Variants in MYH11 observed in about 807,000 individuals in gnomAD.
The protein encoded by MYH11 is myosin-11.
MYH11 carries 80 observed loss-of-function variants against 246.6 expected under a neutral mutation model. The observed-to-expected ratio is 0.32, with a 90% confidence interval of 0.27 to 0.39. MYH11 has a LOEUF of 0.39. MYH11 is among the 10% of genes least tolerant of loss of function. The pLI, the probability that MYH11 is intolerant of heterozygous loss-of-function variation, is 1.00. For missense variants in MYH11, 2,158 were observed against 2,546.8 expected (o/e 0.85, Z 3.29); for synonymous variants, 1,071 against 1,015.5 (o/e 1.05, Z -1.04).
At chr16:15,720,743 A>C (rs2040424422) in intron 33 of MYH11, 96 bp downstream of exon 33, 1 of 1,296,466 alleles carries the variant, frequency 7.7e-7, no homozygotes, top group African/African-American at 1.6e-5. Flanking sequence ...AAAAAAAAAT[A>C]AAGAAAACGA....
At chr16:15,838,856 CAAA>C (rs10573476) in intron 1 of MYH11, among the ~76,000 whole-genome samples, 13 of 88,854 alleles carry the variant, frequency 1.5e-4, no homozygotes, top group Admixed American at 3.9e-4. Flanking sequence ...GACTCCATCT[CAAA>C]AAAAAAAAAA....
intron 3 of MYH11, among the ~76,000 whole-genome samples, chr16:15,811,499 C>T (rs1455058058): frequency 6.6e-6 from 1 of 152,092 alleles, no homozygotes; most frequent in African/African-American, 2.4e-5. Context: ...GGGAGGCTGC[C>T]ACCCACCCTG....
intron 1 of MYH11, among the ~76,000 whole-genome samples, chr16:15,856,148 G>A (rs761541500): frequency 2.5e-4 from 38 of 151,972 alleles, no homozygotes; most frequent in South Asian, 1.0e-3. Context: ...CCTGCAGATC[G>A]TGGAAGCAAA....
At chr16:15,756,550 C>T (rs561982993) in intron 13 of MYH11, 36 bp from the exon 14 acceptor site, 1 of 1,611,714 alleles carries the variant, frequency 6.2e-7, no homozygotes, top group East Asian at 2.2e-5. Flanking sequence ...TCAGAGAGAA[C>T]ACCCAACCTC....
rs527810136 is a variant in MYH11 at position 15,821,945 on chromosome 16, T to A, written c.502+1310A>T. 9.8e-3 allele frequency among the ~76,000 whole-genome samples: 1,477 copies of A among 151,350 alleles called. 18 individuals carry two copies. The highest frequency in any genetic ancestry group is 0.027 in the South Asian group (129 of 4,806). ...GTCTCAAAAAAAAAAAAAAGACAGATACCTGACTCCAGGAGCCATCACTTT... is the reference window on the plus strand; with the variant it reads ...GTCTCAAAAAAAAAAAAAAGACAGAAACCTGACTCCAGGAGCCATCACTTT... On this transcript the variant is annotated intron_variant, in intron 3 of 40. Coordinates refer to ENST00000300036, the MANE Select transcript of MYH11 (RefSeq NM_002474.3).
At chr16:15,786,872 G>T in intron 4 of MYH11, 140 bp from the exon 5 acceptor site, 2 of 824,280 alleles carry the variant, frequency 2.4e-6, no homozygotes, top group Non-Finnish European at 4.1e-6. Context: ...GAAGTAACTT[G>T]CCCAAGGCCA....
rs1230593563 is a variant in MYH11, at chr16:15,771,651, G to A, written c.951C>T (p.Ile317=). 6.2e-7 allele frequency: 1 copy of A among 1,614,032 alleles called. No homozygotes were observed. Among genetic ancestry groups the A allele is most frequent in the Admixed American group, 1.7e-5 (1 of 59,996 alleles). ...ACATCTCATCATCCTGGGCTGCTGG[G>A]ATGGGCACAAAGCCATTGGAGAGGA... ...YTFLSNGFVP[I]PAAQDDEMFQ... The change falls in exon 9 of 41, where the codon ATC becomes ATT. Residue 317 remains isoleucine, a synonymous_variant. Coordinates refer to ENST00000300036, the MANE Select transcript of MYH11 (RefSeq NM_002474.3).
At position 15,786,728 on chromosome 16, in the gene MYH11, C is replaced by T; in HGVS notation, c.535G>A (p.Glu179Lys). The change falls in exon 5 of 41, where the codon GAG (glutamate) becomes AAG (lysine). Residue 179 changes from glutamate (E) to lysine (K), a missense_variant. Glu to Lys is a moderately conservative substitution (Grantham distance 56). Coordinates refer to ENST00000300036, the MANE Select transcript of MYH11 (RefSeq NM_002474.3). ...TTTTCGGTTTTCCCGGCTCCAGACT[C>T]GCCTCTGAAAGACACGGGAACATCA... is the stretch of plus-strand genomic sequence containing the variant. ...REDQSILCTG[E>K]SGAGKTENTK... 6.2e-7 allele frequency: 1 copy of T among 1,613,866 alleles called. No individual in the cohort carries two copies.
At position 15,750,465 on chromosome 16, in the gene MYH11, G is replaced by T; in HGVS notation, c.1865-134C>A. 1 of 871,438 alleles carries T rather than the reference G, an allele frequency of 1.1e-6. No individual in the cohort carries two copies. The highest frequency in any genetic ancestry group is 1.8e-6 in the Non-Finnish European group (1 of 555,278). The allele number at this position is 871,438 out of a possible 1,614,324, so 54.0% of individuals were successfully genotyped here. On this transcript the variant is annotated intron_variant, in intron 15 of 40. Transcript: ENST00000300036. This position sits in a 1 kb window ranked among gnomAD's most constrained non-coding sequence, Gnocchi z 4.3. Reference sequence around the variant, plus strand: ...TCCATCACCAACGCCTCCTTCGGCAGTCAGGGTTTCCAAGTATTGTCTATT... The same window carrying T: ...TCCATCACCAACGCCTCCTTCGGCATTCAGGGTTTCCAAGTATTGTCTATT...
rs1244221356 is a variant in MYH11 at position 15,719,317 on chromosome 16, G to A, written c.5083-9C>T. The A allele has an allele frequency of 6.2e-7, 1 of 1,609,360 alleles. No homozygotes were observed. The highest frequency in any genetic ancestry group is 2.2e-5 in the East Asian group (1 of 44,892). ...TCAGCGGCGGCGAGGTCCTAGGTGG[G>A]AGGGAGGAAGGCTGTTGTCTGCCAG... On this transcript the variant is annotated splice_polypyrimidine_tract_variant and intron_variant, in intron 35 of 40. Transcript: ENST00000300036.
intron 9 of MYH11, 70 bp from the exon 10 acceptor site, chr16:15,763,961 T>C: frequency 7.9e-7 from 1 of 1,258,082 alleles, no homozygotes; most frequent in Non-Finnish European, 1.2e-6. Context: ...TTTTGGAGCC[T>C]AAAGCCACTG....
intron 3 of MYH11, among the ~76,000 whole-genome samples, chr16:15,815,077 C>G (rs901165031): frequency 6.6e-6 from 1 of 152,140 alleles, no homozygotes; most frequent in Non-Finnish European, 1.5e-5. Context: ...AAAGACGAAA[C>G]AGAAGTGTCC....
At chr16:15,712,809 TAGTGTCACCCATG>T (rs1250518104) in intron 40 of MYH11, 1 of 150,194 alleles carries the variant, frequency 6.7e-6, no homozygotes, top group Non-Finnish European at 1.5e-5. Context: ...CTCTGGCCAT[TAGTGTCACCCATG>T]GGAGGCTTCT....
intron 23 of MYH11, 107 bp from the exon 24 acceptor site, chr16:15,738,795 T>A: frequency 7.5e-7 from 1 of 1,327,114 alleles, no homozygotes; most frequent in South Asian, 1.3e-5. Flanking sequence ...AAAACCCACA[T>A]TATAACAAAA....
intron 26 of MYH11, among the ~76,000 whole-genome samples, chr16:15,733,835 ACCTGGCCCATGCAC>A (rs2151238109): frequency 1.3e-5 from 2 of 152,284 alleles, no homozygotes; most frequent in East Asian, 3.9e-4. Context: ...GAGCCACCAT[ACCTGGCCCATGCAC>A]TGGGCTCTTC....
In MYH11 at chr16:15,717,186, C is replaced by A. The variant is rs1326004706; in HGVS notation, c.5458G>T (p.Glu1820Ter). Residue 1820 changes from glutamate to a stop codon, truncating the protein, a stop_gained, in exon 38 of 41, where the codon GAG becomes TAG. Coordinates refer to ENST00000300036, the MANE Select transcript of MYH11 (RefSeq NM_002474.3). LOFTEE classifies it high-confidence loss of function. The stretch of plus-strand genomic sequence containing the variant: ...TCCTCCAGCTGTGCAATCTTGGCCT[C>A]CAGCGCCGCGATGGTGGACTTGAAC... ...SKFKSTIAAL[E>*]AKIAQLEEQV... 1.2e-6 allele frequency: 2 copies of A among 1,614,096 alleles called. No individual in the cohort carries two copies. The highest frequency in any genetic ancestry group is 1.7e-6 in the Non-Finnish European group (2 of 1,180,042).
intron 2 of MYH11, among the ~76,000 whole-genome samples, chr16:15,831,250 G>C (rs926741436): frequency 6.6e-5 from 10 of 152,080 alleles, no homozygotes; most frequent in African/African-American, 1.9e-4. Flanking sequence ...TCTAAGAAGG[G>C]GAACTGGAAG....
chr16:15,800,989 T>C (rs2042871986), intron 3 of MYH11, among the ~76,000 whole-genome samples: 1 of 152,030 alleles, frequency 6.6e-6, no homozygotes, highest in African/African-American at 2.4e-5. Flanking sequence ...GTGGATCACT[T>C]GAGTTCAGGA....
intron 3 of MYH11, among the ~76,000 whole-genome samples, chr16:15,820,475 GAA>G (rs199534515): frequency 0.017 from 1,722 of 104,302 alleles, 36 homozygotes; most frequent in African/African-American, 0.055. Context: ...ACTCCATCCG[GAA>G]AAAAAAAAAA....
Sources: allele counts gnomAD v4.1 joint callset (sites outside exome capture counted in the v4.1 genomes callset), GRCh38; gene constraint gnomAD v4.1.1; non-coding constraint Gnocchi (gnomAD v3.1); transcripts MANE v1.5; gene names NCBI Gene and HGNC (gene_info 2026-07-23, HGNC 2026-07-21).